Variants in KCNQ3 observed in about 807,000 individuals in gnomAD.
KCNQ3 encodes potassium voltage-gated channel subfamily KQT member 3.
A neutral mutation model predicts 92.5 loss-of-function variants in KCNQ3; 30 were observed. The observed-to-expected ratio is 0.32, with a 90% CI of 0.24 to 0.44. The LOEUF (loss-of-function observed/expected upper bound fraction) is 0.44. Ranked by LOEUF, KCNQ3 falls within the 20% of genes least tolerant of loss-of-function variation. The probability of loss-of-function intolerance (pLI) is 1.00; values close to 1 mark genes in which losing one functional copy is unlikely to be tolerated. For synonymous variants in KCNQ3, 450 were observed against 468.8 expected, an observed-to-expected ratio of 0.96 and a Z score of 0.52; for missense variants, 913 against 1,140.3, an observed-to-expected ratio of 0.80 and a Z score of 2.87.
intron 1 of KCNQ3, among the ~76,000 whole-genome samples, chr8:132,258,494 G>A (rs540192211): frequency 6.6e-6 from 1 of 151,964 alleles, no homozygotes; most frequent in African/African-American, 2.4e-5. Context: ...CAAAACTTAT[G>A]AGATACAGCA....
At chr8:132,378,891 G>T (rs886078559) in intron 1 of KCNQ3, among the ~76,000 whole-genome samples, 5 of 152,210 alleles carry the variant, frequency 3.3e-5, no homozygotes, top group Non-Finnish European at 5.9e-5. Context: ...AAACATAATT[G>T]CAGAAGGATG....
At position 132,228,238 on chromosome 8, in the gene KCNQ3, T is replaced by C. The variant is rs181361287; in HGVS notation, c.387-42057A>G. Among the ~76,000 whole-genome samples, 12 of 152,304 alleles carry C rather than the reference T, an allele frequency of 7.9e-5. No individual in the cohort carries two copies. In the East Asian group the frequency reaches 2.3e-3, roughly 29 times the overall value. On this transcript the variant is annotated intron_variant, in intron 1 of 14. Transcript: ENST00000388996. Reference sequence around the variant, plus strand: ...TTTCTCAAATAGTGGGCCCTTTTTTTCAAGAATCCAAAATATTCAGGCATC... The same window carrying C: ...TTTCTCAAATAGTGGGCCCTTTTTTCCAAGAATCCAAAATATTCAGGCATC...
chr8:132,285,776 A>G (rs1816662484), intron 1 of KCNQ3, among the ~76,000 whole-genome samples: 1 of 152,194 alleles, frequency 6.6e-6, no homozygotes, highest in South Asian at 2.1e-4. Context: ...TGTCCCTCCC[A>G]TCACATGCCC....
At chr8:132,281,594 T>C (rs1816518836) in intron 1 of KCNQ3, among the ~76,000 whole-genome samples, 1 of 151,946 alleles carries the variant, frequency 6.6e-6, no homozygotes, top group African/African-American at 2.4e-5. Context: ...CTTCATTCCA[T>C]CTCCACCTCC....
At chr8:132,434,498 G>A (rs1222744958) in intron 1 of KCNQ3, among the ~76,000 whole-genome samples, 2 of 152,098 alleles carry the variant, frequency 1.3e-5, no homozygotes, top group Non-Finnish European at 2.9e-5. Flanking sequence ...AGTAGATGCT[G>A]GAAAAATACT....
intron 1 of KCNQ3, among the ~76,000 whole-genome samples, chr8:132,465,065 T>C (rs1339573197): frequency 6.6e-6 from 1 of 152,220 alleles, no homozygotes; most frequent in East Asian, 1.9e-4. Context: ...AATCTCAACG[T>C]TTCCTTTCGT....
At chr8:132,449,619 C>A (rs1821775818) in intron 1 of KCNQ3, among the ~76,000 whole-genome samples, 1 of 152,270 alleles carries the variant, frequency 6.6e-6, no homozygotes, top group East Asian at 1.9e-4. Flanking sequence ...ACACCATTGG[C>A]CCTGCCTGGG....
At chr8:132,294,948 G>C (rs2130566142) in intron 1 of KCNQ3, among the ~76,000 whole-genome samples, 1 of 152,232 alleles carries the variant, frequency 6.6e-6, no homozygotes, top group East Asian at 1.9e-4. Context: ...AACCCTAGAA[G>C]AAAATCTAGG....
intron 1 of KCNQ3, among the ~76,000 whole-genome samples, chr8:132,321,973 G>A (rs1420573913): frequency 6.6e-6 from 1 of 152,192 alleles, no homozygotes; most frequent in Non-Finnish European, 1.5e-5. Context: ...ATGCCCACAT[G>A]AGAAGTGTTT....
At chr8:132,176,166 G>A (rs1826545399) in intron 4 of KCNQ3, among the ~76,000 whole-genome samples, 2 of 152,170 alleles carry the variant, frequency 1.3e-5, no homozygotes, top group African/African-American at 4.8e-5. Context: ...GTGAAATGCA[G>A]CTTTACATTA....
intron 1 of KCNQ3, among the ~76,000 whole-genome samples, chr8:132,435,092 G>A (rs1211751665): frequency 1.3e-5 from 2 of 152,172 alleles, no homozygotes; most frequent in Admixed American, 1.3e-4. Context: ...GGATGAACCA[G>A]CACAGGCCTG....
In KCNQ3 at chr8:132,187,903, A is replaced by ATAG. The variant is rs58126860; in HGVS notation, c.387-1723_387-1722insCTA. 3.2e-3 allele frequency among the ~76,000 whole-genome samples: 178 copies of ATAG among 55,112 alleles called. 1 individual carries two copies. The highest frequency in any genetic ancestry group is 9.6e-3 in the Middle Eastern group (1 of 104). The allele number at this position is 55,112 out of a possible 152,430, so 36.2% of individuals were successfully genotyped here. ...GATGGTGGCGGTGGTGGTGGTGGTG[A>ATAG]TGGTGGTGGTGGTGTTGGTGGTGAT... is the stretch of plus-strand genomic sequence containing the variant. On this transcript the variant is annotated intron_variant, in intron 1 of 14. Transcript: ENST00000388996.
chr8:132,396,415 C>A, intron 1 of KCNQ3, among the ~76,000 whole-genome samples: 1 of 149,902 alleles, frequency 6.7e-6, no homozygotes. Context: ...GAGCCATGAA[C>A]TTGGTAACAG....
intron 1 of KCNQ3, among the ~76,000 whole-genome samples, chr8:132,231,577 C>G (rs891121328): frequency 1.3e-5 from 2 of 152,088 alleles, no homozygotes; most frequent in African/African-American, 4.8e-5. Flanking sequence ...TCTCTACACA[C>G]AGAAGAAAGG....
chr8:132,365,567 T>C (rs1819298703), intron 1 of KCNQ3, among the ~76,000 whole-genome samples: 1 of 152,198 alleles, frequency 6.6e-6, no homozygotes, highest in Admixed American at 6.5e-5. Flanking sequence ...TTAGATAAAT[T>C]AGTTCACCTC....
At position 132,358,625 on chromosome 8, in the gene KCNQ3, G is replaced by A. The variant is rs372591522; in HGVS notation, c.386+121522C>T. Among the ~76,000 whole-genome samples, 11 of 152,276 alleles carry A rather than the reference G, an allele frequency of 7.2e-5. No individual in the cohort carries two copies. The South Asian group carries it at 1.9e-3, about 26-fold the overall frequency. ...GAGCTCTCCAAAGGTGAGGAGGCACGAAGCTTGCCACCATGACTGGGGCTG... is the reference window on the plus strand; with the variant it reads ...GAGCTCTCCAAAGGTGAGGAGGCACAAAGCTTGCCACCATGACTGGGGCTG... On this transcript the variant is annotated intron_variant, in intron 1 of 14. Coordinates refer to ENST00000388996, the MANE Select transcript of KCNQ3 (RefSeq NM_004519.4).
Position 132,129,388 on chromosome 8 carries a change from C to T in KCNQ3, c.2493G>A (p.Arg831=). ...NGGSSWMREK[R]YLAEGETDTD... is the part of the protein sequence containing the mutation. ...TGTCCGTCTCACCCTCGGCGAGGTA[C>T]CGCTTCTCCCTCATCCAGCTCGACC... Residue 831 remains arginine, a synonymous_variant, in exon 15 of 15, where the codon CGG becomes CGA. Transcript: ENST00000388996. The surrounding 1 kb of genome is among the most constrained non-coding windows in gnomAD (Gnocchi z 5.9). The T allele has an allele frequency of 6.2e-7, 1 of 1,614,204 alleles. No individual in the cohort carries two copies.
At chr8:132,387,380 A>T (rs756649190) in intron 1 of KCNQ3, among the ~76,000 whole-genome samples, 2 of 152,230 alleles carry the variant, frequency 1.3e-5, no homozygotes, top group African/African-American at 4.8e-5. Flanking sequence ...TTTAAAAATC[A>T]GTAGCATAGA....
At chr8:132,164,676 G>A (rs191851760) in intron 8 of KCNQ3, among the ~76,000 whole-genome samples, 150 of 152,296 alleles carry the variant, frequency 9.8e-4, no homozygotes, top group Non-Finnish European at 1.6e-3. Flanking sequence ...CTGAGGCCAG[G>A]AGAAGTAGGA....
Sources: gnomAD v4.1 joint callset for allele counts (sites outside exome capture counted in the v4.1 genomes callset) on GRCh38, gnomAD v4.1.1 for gene constraint, Gnocchi (gnomAD v3.1) non-coding constraint, MANE v1.5 for transcripts, NCBI Gene and HGNC (gene_info 2026-07-23, HGNC 2026-07-21) for gene names.